The following GALK2 variants were observed in gnomAD, a reference collection of about 807,000 sequenced individuals.
GALK2 encodes the protein N-acetylgalactosamine kinase.
Under a neutral mutation model 52.4 loss-of-function variants are expected in GALK2, and 36 were observed. The observed-to-expected ratio is 0.69, with a 90% confidence interval of 0.53 to 0.91. GALK2 has a LOEUF of 0.91. Among genes scored for constraint, GALK2 ranks in the 40% least tolerant of loss-of-function variants. The pLI, the probability that GALK2 is intolerant of heterozygous loss-of-function variation, is 0.00. For synonymous variants in GALK2, 176 were observed against 199.1 expected (o/e 0.88, Z 0.98); for missense variants, 579 against 559.1 (o/e 1.04, Z -0.36).
rs977712301 is a variant in GALK2, at chr15:49,330,836, C to T, written c.*2677C>T. 1 of 152,054 alleles carries T rather than the reference C, an allele frequency of 6.6e-6. No homozygotes were observed. The allele number at this position is 152,054 out of a possible 1,614,324, so 9.4% of individuals were successfully genotyped here. ...GGGAGTGGTGGCATGTGCCTGCTGT[C>T]CCAGCTACTCAGGAGGCTGAGGCAG... On this transcript the variant is annotated 3_prime_UTR_variant, in exon 10 of 10. Coordinates refer to ENST00000560031, the MANE Select transcript of GALK2 (RefSeq NM_002044.4).
At chr15:49,341,261 T>C (rs1286827425) in intron 3 of GALK2, among the ~76,000 whole-genome samples, 1 of 152,144 alleles carries the variant, frequency 6.6e-6, no homozygotes, top group East Asian at 1.9e-4. Context: ...GTTTTGGTTT[T>C]AGAATAGTTT....
Position 49,280,198 on chromosome 15 carries a change from CAT to C in GALK2, c.505-1788_505-1787del, listed in dbSNP as rs369110421. Among the ~76,000 whole-genome samples the C allele has an allele frequency of 2.5e-3, 374 of 152,232 alleles. 4 individuals carry two copies. The highest frequency in any genetic ancestry group is 8.5e-3 in the African/African-American group (353 of 41,540). Reference sequence around the variant, plus strand: ...CAATAATAACACTGTGATTCACAGACATGTAGATAAAAAGACAAGTAGAGCCA... The same window carrying C: ...CAATAATAACACTGTGATTCACAGACGTAGATAAAAAGACAAGTAGAGCCA... On this transcript the variant is annotated intron_variant, in intron 5 of 9. Transcript: ENST00000560031.
intron 8 of GALK2, among the ~76,000 whole-genome samples, chr15:49,292,892 C>T (rs752030806): frequency 1.2e-4 from 18 of 152,220 alleles, no homozygotes; most frequent in Non-Finnish European, 1.9e-4. Context: ...AAACAATACT[C>T]GGAACACTAT....
chr15:49,306,660 C>G (rs891211532), intron 8 of GALK2, among the ~76,000 whole-genome samples: 3 of 152,192 alleles, frequency 2.0e-5, no homozygotes, highest in African/African-American at 7.2e-5. Flanking sequence ...CCTAGGCAAG[C>G]ATGACCATGT....
intron 7 of GALK2, among the ~76,000 whole-genome samples, chr15:49,289,549 A>G (rs1176631233): frequency 1.3e-5 from 2 of 152,174 alleles, no homozygotes; most frequent in Non-Finnish European, 2.9e-5. Flanking sequence ...GGGAGTTAAT[A>G]TCCTTGAGAG....
chr15:49,194,820 T>C (rs115160199), intron 1 of GALK2, among the ~76,000 whole-genome samples: 9,022 of 151,736 alleles, frequency 0.059, 526 homozygotes, highest in African/African-American at 0.14. Flanking sequence ...GTCTTGAACT[T>C]CCTCCCTCAG....
intron 5 of GALK2, among the ~76,000 whole-genome samples, chr15:49,279,898 C>T (rs1293915300): frequency 1.3e-5 from 2 of 152,134 alleles, no homozygotes; most frequent in Non-Finnish European, 2.9e-5. Context: ...ATGAACAATG[C>T]CTATTGCATC....
rs545801392 is a variant in GALK2 at position 49,243,159 on chromosome 15, G to A, written c.504+3792G>A. Among the ~76,000 whole-genome samples the A allele has an allele frequency of 5.3e-5, 8 of 152,146 alleles. No homozygotes were observed. In the South Asian group the frequency reaches 1.7e-3, roughly 32 times the overall value. ...GGGATTTATCTGAAAGCCTTTGTGA[G>A]GACTATTTAGACCCTAAAAGGCCTC... On this transcript the variant is annotated intron_variant, in intron 5 of 9. Transcript: ENST00000560031.
chr15:49,254,820 C>G (rs930483793), intron 5 of GALK2, among the ~76,000 whole-genome samples: 1 of 144,326 alleles, frequency 6.9e-6, no homozygotes, highest in Admixed American at 7.0e-5. Context: ...GATGTTACAT[C>G]TCTCACACAC....
At chr15:49,262,902 G>T (rs2092191596) in intron 5 of GALK2, among the ~76,000 whole-genome samples, 2 of 143,512 alleles carry the variant, frequency 1.4e-5, no homozygotes, top group African/African-American at 2.6e-5. Flanking sequence ...TTAATCCTGA[G>T]TTCTAGTTTG....
intron 3 of GALK2, among the ~76,000 whole-genome samples, chr15:49,221,900 G>A (rs2089823280): frequency 1.3e-5 from 2 of 151,750 alleles, no homozygotes; most frequent in African/African-American, 4.8e-5. Flanking sequence ...CTTTTTTTTG[G>A]TTTTATACAT....
chr15:49,258,097 A>T (rs948802908), intron 5 of GALK2, among the ~76,000 whole-genome samples: 2 of 152,056 alleles, frequency 1.3e-5, no homozygotes, highest in African/African-American at 4.8e-5. Context: ...CAACTCAAAG[A>T]GACTACATTT....
intron 8 of GALK2, among the ~76,000 whole-genome samples, chr15:49,299,754 T>TCTTTCTTTCTTTC (rs1567037464): frequency 2.9e-5 from 4 of 138,496 alleles, no homozygotes; most frequent in African/African-American, 8.6e-5. Flanking sequence ...TTTCTTTCTT[T>TCTTTCTTTCTTTC]CTTTCTTTCT....
intron 1 of GALK2, among the ~76,000 whole-genome samples, chr15:49,171,687 A>G (rs1031349053): frequency 5.9e-5 from 9 of 152,136 alleles, no homozygotes; most frequent in Non-Finnish European, 1.5e-5. Flanking sequence ...ATTTGAATTA[A>G]TTAAGACACA....
chr15:49,235,363 T>C (rs772653473), intron 3 of GALK2, among the ~76,000 whole-genome samples: 10 of 152,220 alleles, frequency 6.6e-5, no homozygotes, highest in South Asian at 2.1e-4. Flanking sequence ...TATAGACTCA[T>C]GGAATCTTAT....
chr15:49,215,651 A>T (rs1029502419), intron 2 of GALK2, among the ~76,000 whole-genome samples: 1 of 152,104 alleles, frequency 6.6e-6, no homozygotes, highest in African/African-American at 2.4e-5. Flanking sequence ...GTTATCTTTA[A>T]GTTTGTTGAG....
rs755679971 is a variant in GALK2 at position 49,328,061 on chromosome 15, G to A, written c.1279G>A (p.Ala427Thr). ...CAGCTTTCTAGCAAATGTGCACAAAGCTTATTACCAGAGGAGTGATGGAAG... is the reference window on the plus strand; with the variant it reads ...CAGCTTTCTAGCAAATGTGCACAAAACTTATTACCAGAGGAGTGATGGAAG... ...LPSFLANVHK[A>T]YYQRSDGSLA... The change falls in exon 10 of 10, where the codon GCT becomes ACT. Residue 427 changes from alanine to threonine, a missense_variant. Coordinates refer to ENST00000560031, the MANE Select transcript of GALK2 (RefSeq NM_002044.4). 62 of 1,613,956 alleles carry A rather than the reference G, an allele frequency of 3.8e-5. No individual in the cohort carries two copies. The highest frequency in any genetic ancestry group is 2.2e-4 in the Admixed American group (13 of 59,996).
intron 8 of GALK2, among the ~76,000 whole-genome samples, chr15:49,303,648 T>G (rs1198421310): frequency 6.6e-6 from 1 of 152,212 alleles, no homozygotes; most frequent in African/African-American, 2.4e-5. Context: ...GCCAACTATC[T>G]TCTTCACTCC....
chr15:49,277,452 G>A (rs1282568505), intron 5 of GALK2, among the ~76,000 whole-genome samples: 1 of 144,840 alleles, frequency 6.9e-6, no homozygotes, highest in East Asian at 2.1e-4. Context: ...ACAGGCGTGA[G>A]CCACCGCACC....
Sources: gnomAD v4.1 joint callset for allele counts (sites outside exome capture counted in the v4.1 genomes callset) on GRCh38, gnomAD v4.1.1 for gene constraint, MANE v1.5 for transcripts, NCBI Gene and HGNC (gene_info 2026-07-23, HGNC 2026-07-21) for gene names.